Variants in SAMMSON observed in about 807,000 individuals in gnomAD.
SAMMSON encodes the protein long intergenic non-protein coding RNA 1212.
chr3:70,287,258 T>C (rs1487245331), intron 6 of SAMMSON, among the ~76,000 whole-genome samples: 1 of 140,852 alleles, frequency 7.1e-6, no homozygotes, highest in African/African-American at 2.7e-5. Flanking sequence ...TTGAGAGTTT[T>C]TAGCATGAAG....
At chr3:70,322,659 A>G (rs1185714123) in intron 7 of SAMMSON, among the ~76,000 whole-genome samples, 1 of 152,158 alleles carries the variant, frequency 6.6e-6, no homozygotes, top group African/African-American at 2.4e-5. Flanking sequence ...GTATAACAGG[A>G]CTTTTGGATC....
At chr3:70,177,164 G>C (rs1701014934) in intron 4 of SAMMSON, among the ~76,000 whole-genome samples, 1 of 152,160 alleles carries the variant, frequency 6.6e-6, no homozygotes, top group Non-Finnish European at 1.5e-5. Flanking sequence ...TGGAAAGAAA[G>C]TATGTGTCTT....
intron 6 of SAMMSON, among the ~76,000 whole-genome samples, chr3:70,256,912 C>A (rs1442215286): frequency 6.6e-6 from 1 of 152,186 alleles, no homozygotes; most frequent in Non-Finnish European, 1.5e-5. Context: ...CACATGTTCT[C>A]ACTTCCCTGG....
intron 2 of SAMMSON, among the ~76,000 whole-genome samples, chr3:70,402,400 G>A (rs1444076317): frequency 6.6e-6 from 1 of 151,996 alleles, no homozygotes; most frequent in Non-Finnish European, 1.5e-5. Flanking sequence ...CCTTATAAAT[G>A]TTTTCTTAAT....
chr3:70,382,518 T>C (rs575256841), intron 9 of SAMMSON, among the ~76,000 whole-genome samples: 1 of 152,208 alleles, frequency 6.6e-6, no homozygotes, highest in East Asian at 1.9e-4. Context: ...AATAAACGTA[T>C]GAATGAATGA....
intron 4 of SAMMSON, among the ~76,000 whole-genome samples, chr3:70,081,348 C>T (rs573440298): frequency 6.6e-6 from 1 of 152,306 alleles, no homozygotes; most frequent in African/African-American, 2.4e-5. Flanking sequence ...CTCCTGACCT[C>T]GTGATCAGCC....
At chr3:70,230,013 T>G (rs1701543356) in intron 4 of SAMMSON, among the ~76,000 whole-genome samples, 1 of 152,196 alleles carries the variant, frequency 6.6e-6, no homozygotes. Context: ...TATTATCTAA[T>G]TTTATCATAT....
intron 6 of SAMMSON, among the ~76,000 whole-genome samples, chr3:70,276,419 T>G (rs1702026871): frequency 6.6e-6 from 1 of 152,202 alleles, no homozygotes; most frequent in Admixed American, 6.5e-5. Context: ...TTGTAACAAA[T>G]ACCCATAACA....
intron 7 of SAMMSON, among the ~76,000 whole-genome samples, chr3:70,308,583 A>G (rs1453723423): frequency 6.6e-6 from 1 of 152,172 alleles, no homozygotes; most frequent in Non-Finnish European, 1.5e-5. Context: ...GTCAAGGGCA[A>G]TTAGGAGCCT....
At chr3:70,354,787 T>C (rs805490) in intron 8 of SAMMSON, among the ~76,000 whole-genome samples, 111,937 of 152,102 alleles carry the variant, frequency 0.74, 41,674 homozygotes, top group Middle Eastern at 0.79. Context: ...GCATACATTC[T>C]CGGATGCTTT....
intron 3 of SAMMSON, among the ~76,000 whole-genome samples, chr3:70,065,541 G>A (rs1576112959): frequency 1.3e-5 from 2 of 152,004 alleles, no homozygotes; most frequent in South Asian, 4.1e-4. Flanking sequence ...AAAAAAAAAT[G>A]TGAGAAATCT....
chr3:70,211,800 T>G (rs971033839), intron 4 of SAMMSON, among the ~76,000 whole-genome samples: 3 of 147,394 alleles, frequency 2.0e-5, no homozygotes, highest in African/African-American at 7.6e-5. Context: ...TTCTTTTCCT[T>G]TCCTTACCCT....
At chr3:70,371,322 T>C (rs950610453) in intron 9 of SAMMSON, among the ~76,000 whole-genome samples, 1 of 152,152 alleles carries the variant, frequency 6.6e-6, no homozygotes. Flanking sequence ...CATATGAATT[T>C]TAGGATTTTT....
At chr3:70,138,538 C>G (rs2067515444) in intron 4 of SAMMSON, among the ~76,000 whole-genome samples, 1 of 152,212 alleles carries the variant, frequency 6.6e-6, no homozygotes, top group Non-Finnish European at 1.5e-5. Context: ...ATACTATCAC[C>G]TAGGTGGCTA....
Position 70,186,673 on chromosome 3 carries a change from C to T in SAMMSON, n.508-62434C>T, listed in dbSNP as rs139679482. ...TGGTTAGGAGGAGAATGAGAAAAAC[C>T]TTTCTTAGCTGAAAAAGGAGCCCCC... On this transcript the variant is annotated intron_variant and non_coding_transcript_variant, in intron 4 of 9. Transcript: ENST00000642114. Among the ~76,000 whole-genome samples, 533 of 152,182 alleles carry T rather than the reference C, an allele frequency of 3.5e-3. 1 individual carries two copies. The highest frequency in any genetic ancestry group is 0.012 in the African/African-American group (493 of 41,520).
intron 9 of SAMMSON, among the ~76,000 whole-genome samples, chr3:70,377,502 G>A (rs1240788061): frequency 1.3e-5 from 2 of 152,018 alleles, no homozygotes; most frequent in East Asian, 3.9e-4. Flanking sequence ...TTCCAGATGG[G>A]TAAAAGATTA....
At chr3:70,096,182 A>C (rs2067322351) in intron 4 of SAMMSON, 1 of 152,270 alleles carries the variant, frequency 6.6e-6, no homozygotes, top group South Asian at 2.1e-4. Flanking sequence ...TGCTGGACAG[A>C]GGCTGTCACC....
intron 7 of SAMMSON, among the ~76,000 whole-genome samples, chr3:70,298,613 C>T (rs1326613107): frequency 6.6e-6 from 1 of 152,094 alleles, no homozygotes; most frequent in Non-Finnish European, 1.5e-5. Flanking sequence ...TTAAAATCAC[C>T]ATGACTGTGC....
intron 9 of SAMMSON, among the ~76,000 whole-genome samples, chr3:70,361,996 C>T (rs868379235): frequency 1.4e-4 from 22 of 152,174 alleles, no homozygotes; most frequent in Admixed American, 1.3e-3. Context: ...ACCTATTATG[C>T]TTGGATTTCC....
Sources: allele counts gnomAD v4.1 joint callset (sites outside exome capture counted in the v4.1 genomes callset), GRCh38; gene constraint gnomAD v4.1.1; transcripts MANE v1.5; gene names NCBI Gene and HGNC (gene_info 2026-07-23, HGNC 2026-07-21).